Variants in POU3F3 observed in about 807,000 individuals in gnomAD.
The protein encoded by POU3F3 is POU class 3 homeobox 3.
A neutral mutation model predicts 8.6 loss-of-function variants in POU3F3; 1 was observed. The observed-to-expected ratio is 0.12, with a 90% CI of 0.04 to 0.55. The LOEUF (loss-of-function observed/expected upper bound fraction) is 0.55, where lower values mean the gene tolerates loss of function less well. POU3F3 is among the 20% of genes least tolerant of loss of function. The pLI is 0.91. For synonymous variants in POU3F3, 418 were observed against 327.4 expected, an observed-to-expected ratio of 1.28 and a Z score of -2.99; for missense variants, 577 against 690.7, an observed-to-expected ratio of 0.84 and a Z score of 1.84.
chr2:104,921,413 T>A, the POU3F3 span, among the ~76,000 whole-genome samples: 2 of 152,148 alleles, frequency 1.3e-5, no homozygotes, highest in African/African-American at 4.8e-5. Flanking sequence ...TGGAGTACAT[T>A]TGAAGTCTTG....
At chr2:104,925,563 A>G in the POU3F3 span, among the ~76,000 whole-genome samples, 1 of 152,202 alleles carries the variant, frequency 6.6e-6, no homozygotes, top group Non-Finnish European at 1.5e-5. Flanking sequence ...GGGTGCTACA[A>G]CTGTGAGCCA....
chr2:104,895,209 C>T, the POU3F3 span, among the ~76,000 whole-genome samples: 718 of 152,108 alleles, frequency 4.7e-3, 4 homozygotes, highest in Non-Finnish European at 6.3e-3. Flanking sequence ...CTACAGGGCC[C>T]GACAATTTCA....
the POU3F3 span, among the ~76,000 whole-genome samples, chr2:104,894,698 G>T: frequency 2.0e-5 from 3 of 152,162 alleles, no homozygotes; most frequent in South Asian, 6.3e-4. Flanking sequence ...CCTTTACCAA[G>T]ATCTTTGCTA....
At chr2:104,868,077 T>G in the POU3F3 span, 5 of 349,754 alleles carry the variant, frequency 1.4e-5, no homozygotes, top group South Asian at 2.1e-5. Flanking sequence ...ACTGGAAGAG[T>G]TGAAATCAAC....
At chr2:104,889,389 G>A in the POU3F3 span, among the ~76,000 whole-genome samples, 2 of 152,300 alleles carry the variant, frequency 1.3e-5, no homozygotes, top group South Asian at 4.1e-4. Flanking sequence ...CCAGGAAGAG[G>A]AGGGGCCAGG....
chr2:104,870,445 A>T, the POU3F3 span, among the ~76,000 whole-genome samples: 1 of 152,226 alleles, frequency 6.6e-6, no homozygotes, highest in South Asian at 2.1e-4. Context: ...GGGCATTTCC[A>T]TACCAGCCCG....
the POU3F3 span, among the ~76,000 whole-genome samples, chr2:104,888,955 C>T: frequency 1.3e-5 from 2 of 152,232 alleles, no homozygotes; most frequent in Non-Finnish European, 2.9e-5. Flanking sequence ...TACTTGTAAC[C>T]TTTCAGCAAA....
At chr2:104,918,132 A>T in the POU3F3 span, among the ~76,000 whole-genome samples, 1 of 152,196 alleles carries the variant, frequency 6.6e-6, no homozygotes, top group Non-Finnish European at 1.5e-5. Context: ...CCTTTGGAAC[A>T]CACTCACTGA....
At chr2:104,862,502 G>A (rs1676676908), downstream of POU3F3, among the ~76,000 whole-genome samples, 1 of 152,066 alleles carries the variant, frequency 6.6e-6, no homozygotes, top group Admixed American at 6.5e-5. Context: ...AGGGGGAGGG[G>A]GACCCGAGGC....
At chr2:104,925,183 A>T in the POU3F3 span, among the ~76,000 whole-genome samples, 3 of 152,196 alleles carry the variant, frequency 2.0e-5, no homozygotes, top group Non-Finnish European at 4.4e-5. Flanking sequence ...TGGGAAATCA[A>T]CTTCTCCACC....
the POU3F3 span, among the ~76,000 whole-genome samples, chr2:104,885,194 C>T: frequency 2.0e-5 from 3 of 152,314 alleles, no homozygotes; most frequent in East Asian, 5.8e-4. Context: ...CTCAGCTGTG[C>T]AATCAATCCA....
At chr2:104,908,504 A>G in the POU3F3 span, among the ~76,000 whole-genome samples, 3 of 152,334 alleles carry the variant, frequency 2.0e-5, no homozygotes, top group East Asian at 3.9e-4. Context: ...AGAGCACGTG[A>G]CCACCTTGTC....
chr2:104,857,027 A>T lies in POU3F3; in HGVS notation c.*14A>T. ...AGCGTTCAGTGAAGCCAGGGCGCAG[A>T]GCGAAGAGGGCCGCCGCCGCCGCCG... On this transcript the variant is annotated 3_prime_UTR_variant, in exon 1 of 1. Coordinates refer to ENST00000361360, the MANE Select transcript of POU3F3 (RefSeq NM_006236.3). The T allele has an allele frequency of 6.5e-7, 1 of 1,546,066 alleles. No individual in the cohort carries two copies. Among genetic ancestry groups the T allele is most frequent in the Non-Finnish European group, 8.7e-7 (1 of 1,145,942 alleles).
chr2:104,862,846 G>C (rs1340491746), downstream of POU3F3, among the ~76,000 whole-genome samples: 1 of 152,142 alleles, frequency 6.6e-6, no homozygotes, highest in African/African-American at 2.4e-5. Context: ...ACCCGACTTT[G>C]GATCACTGCA....
chr2:104,862,000 G>T (rs1323267465), downstream of POU3F3, among the ~76,000 whole-genome samples: 1 of 152,242 alleles, frequency 6.6e-6, no homozygotes, highest in Non-Finnish European at 1.5e-5. Context: ...GGAGCTGGGG[G>T]TGGGGGCAGC....
chr2:104,927,561 G>A, the POU3F3 span, among the ~76,000 whole-genome samples: 3 of 151,948 alleles, frequency 2.0e-5, no homozygotes, highest in South Asian at 2.1e-4. Flanking sequence ...TCGAGATCAC[G>A]CTGGGCAACA....
At chr2:104,915,045 G>A in the POU3F3 span, among the ~76,000 whole-genome samples, 2 of 152,082 alleles carry the variant, frequency 1.3e-5, no homozygotes, top group Non-Finnish European at 2.9e-5. Flanking sequence ...GGTAGCGCAG[G>A]GTCACTCGGA....
At chr2:104,873,308 A>G in the POU3F3 span, among the ~76,000 whole-genome samples, 1 of 152,090 alleles carries the variant, frequency 6.6e-6, no homozygotes, top group African/African-American at 2.4e-5. Flanking sequence ...TGGCTGCTTG[A>G]GCCCGCGGCC....
chr2:104,869,067 T>C, the POU3F3 span, among the ~76,000 whole-genome samples: 3 of 152,104 alleles, frequency 2.0e-5, no homozygotes, highest in Admixed American at 6.5e-5. Flanking sequence ...CACCTAGGGG[T>C]TCAAAAACCT....
Sources: gnomAD v4.1 joint callset for allele counts (sites outside exome capture counted in the v4.1 genomes callset) on GRCh38, gnomAD v4.1.1 for gene constraint, MANE v1.5 for transcripts, NCBI Gene and HGNC (gene_info 2026-07-23, HGNC 2026-07-21) for gene names.